The following ARL15 variants were observed in gnomAD, a reference collection of about 807,000 sequenced individuals.
ARL15 encodes the protein ARF like GTPase 15.
In ARL15, 19 loss-of-function variants were observed where a neutral mutation model predicts 25.2. The observed-to-expected ratio is 0.75, with a 90% CI of 0.53 to 1.10. The LOEUF (loss-of-function observed/expected upper bound fraction) is 1.10, where lower values mean the gene tolerates loss of function less well. ARL15 is among the 50% of genes least tolerant of loss of function. ARL15 has a pLI of 0.00. For synonymous variants in ARL15, 94 were observed against 86.8 expected (o/e 1.08, Z -0.46); for missense variants, 220 against 246.0 (o/e 0.89, Z 0.71).
intron 3 of ARL15, among the ~76,000 whole-genome samples, chr5:54,135,040 C>A (rs893341901): frequency 6.6e-6 from 1 of 151,826 alleles, no homozygotes; most frequent in Admixed American, 6.6e-5. Context: ...AAAGGAATTG[C>A]TAATATGTTG....
At chr5:53,937,607 T>C (rs985503017) in intron 4 of ARL15, among the ~76,000 whole-genome samples, 7 of 152,168 alleles carry the variant, frequency 4.6e-5, no homozygotes, top group Non-Finnish European at 1.0e-4. Flanking sequence ...TACAGTTGCC[T>C]ACAGTATTCA....
At chr5:53,941,686 T>C (rs879738264) in intron 4 of ARL15, among the ~76,000 whole-genome samples, 8 of 152,268 alleles carry the variant, frequency 5.3e-5, no homozygotes, top group Admixed American at 5.2e-4. Context: ...ATCTCAACTA[T>C]TAGATAATAG....
At chr5:53,940,255 G>C (rs751324675) in intron 4 of ARL15, among the ~76,000 whole-genome samples, 16 of 152,050 alleles carry the variant, frequency 1.1e-4, no homozygotes, top group Non-Finnish European at 1.8e-4. Context: ...TTACAGGCGT[G>C]AACCACCGCG....
At chr5:54,288,130 C>G (rs965091940) in intron 1 of ARL15, among the ~76,000 whole-genome samples, 1 of 152,116 alleles carries the variant, frequency 6.6e-6, no homozygotes, top group Admixed American at 6.5e-5. Context: ...CTGCTAATAA[C>G]CCCAGGAGAA....
chr5:54,249,691 A>T (rs1757190135), intron 1 of ARL15, among the ~76,000 whole-genome samples: 1 of 150,348 alleles, frequency 6.7e-6, no homozygotes, highest in Admixed American at 6.6e-5. Context: ...AAAAAAAAAA[A>T]ACTTTAACAG....
At chr5:54,097,298 AGAGTGAGACTCCATCTC>A (rs1752317313) in intron 4 of ARL15, among the ~76,000 whole-genome samples, 8 of 3,700 alleles carry the variant, frequency 2.2e-3, no homozygotes, top group African/African-American at 3.6e-3. Flanking sequence ...GCCTGGTGAC[AGAGTGAGACTCCATCTC>A]AAAAAACAAA....
At chr5:54,166,046 C>G (rs879699784) in intron 2 of ARL15, among the ~76,000 whole-genome samples, 30 of 152,114 alleles carry the variant, frequency 2.0e-4, no homozygotes, top group Admixed American at 6.6e-4. Flanking sequence ...ATAGAAATAT[C>G]CAGACTAATG....
chr5:54,080,420 GA>G (rs1358342721), intron 4 of ARL15, among the ~76,000 whole-genome samples: 1 of 152,100 alleles, frequency 6.6e-6, no homozygotes, highest in Non-Finnish European at 1.5e-5. Flanking sequence ...TGCCTTTGGG[GA>G]TGGACAATTT....
intron 1 of ARL15, among the ~76,000 whole-genome samples, chr5:54,214,565 T>C (rs1756129272): frequency 6.6e-6 from 1 of 152,168 alleles, no homozygotes; most frequent in Non-Finnish European, 1.5e-5. Flanking sequence ...TGCCTCAGCG[T>C]GTCCAGGATG....
intron 3 of ARL15, among the ~76,000 whole-genome samples, chr5:54,140,339 C>CT (rs1753732638): frequency 2.0e-5 from 3 of 151,470 alleles, no homozygotes; most frequent in Non-Finnish European, 4.4e-5. Flanking sequence ...GGTAATCCCA[C>CT]TACCAGCTCT....
chr5:53,955,951 A>G (rs1747135192), intron 4 of ARL15, among the ~76,000 whole-genome samples: 1 of 152,196 alleles, frequency 6.6e-6, no homozygotes. Flanking sequence ...GAGGCATACG[A>G]GTCCCAAAAA....
intron 4 of ARL15, among the ~76,000 whole-genome samples, chr5:53,951,344 A>G (rs1296685780): frequency 2.0e-5 from 3 of 152,232 alleles, no homozygotes; most frequent in Non-Finnish European, 4.4e-5. Flanking sequence ...TTTCTAACCC[A>G]TCATAGATCT....
chr5:53,956,797 A>G (rs1747173500), intron 4 of ARL15, among the ~76,000 whole-genome samples: 1 of 152,174 alleles, frequency 6.6e-6, no homozygotes, highest in East Asian at 1.9e-4. Flanking sequence ...GCTGAAAACT[A>G]CAATGACTCA....
intron 4 of ARL15, among the ~76,000 whole-genome samples, chr5:54,045,808 G>T (rs1333022405): frequency 6.6e-6 from 1 of 152,182 alleles, no homozygotes; most frequent in Non-Finnish European, 1.5e-5. Context: ...CCATTTCTCT[G>T]TACAATTCCT....
At chr5:54,308,098 A>C (rs1758808028) in intron 1 of ARL15, among the ~76,000 whole-genome samples, 1 of 152,258 alleles carries the variant, frequency 6.6e-6, no homozygotes, top group African/African-American at 2.4e-5. Flanking sequence ...AAAGACAGGA[A>C]GAGAAAAATA....
At chr5:54,015,695 T>C (rs1232467175) in intron 4 of ARL15, among the ~76,000 whole-genome samples, 1 of 152,164 alleles carries the variant, frequency 6.6e-6, no homozygotes, top group African/African-American at 2.4e-5. Flanking sequence ...ATTATGTATA[T>C]TAGAAAACAT....
At chr5:54,150,521 A>G (rs1183110896) in intron 3 of ARL15, among the ~76,000 whole-genome samples, 2 of 152,156 alleles carry the variant, frequency 1.3e-5, no homozygotes, top group Non-Finnish European at 2.9e-5. Context: ...TATTTTAGGG[A>G]TGGGCGCAGT....
intron 4 of ARL15, among the ~76,000 whole-genome samples, chr5:54,078,339 G>A (rs757692242): frequency 9.9e-5 from 15 of 152,118 alleles, no homozygotes; most frequent in Non-Finnish European, 1.6e-4. Context: ...AAGTCAGACA[G>A]TAGCAGTACC....
intron 1 of ARL15, among the ~76,000 whole-genome samples, chr5:54,265,456 A>G (rs2112631615): frequency 6.6e-6 from 1 of 152,348 alleles, no homozygotes; most frequent in East Asian, 1.9e-4. Flanking sequence ...AGAGCATGGT[A>G]CACTTGCAAA....
Sources: gnomAD v4.1 joint callset for allele counts (sites outside exome capture counted in the v4.1 genomes callset) on GRCh38, gnomAD v4.1.1 for gene constraint, MANE v1.5 for transcripts, NCBI Gene and HGNC (gene_info 2026-07-23, HGNC 2026-07-21) for gene names.